GRM7: variants seen among roughly 807,000 people sequenced by gnomAD.
GRM7 encodes glutamate metabotropic receptor 7, also known as metabotropic glutamate receptor 7.
In GRM7, 35 loss-of-function variants were observed where a neutral mutation model predicts 84.5. That is an observed-to-expected ratio of 0.41 (90% CI 0.32 to 0.55). The LOEUF (loss-of-function observed/expected upper bound fraction) is 0.55, where lower values mean the gene tolerates loss of function less well. Among genes scored for constraint, GRM7 ranks in the 20% least tolerant of loss-of-function variants. The pLI is 0.19. For synonymous variants in GRM7, 487 were observed against 455.1 expected (o/e 1.07, Z -0.89); for missense variants, 1,003 against 1,194.6 (o/e 0.84, Z 2.36).
intron 7 of GRM7, among the ~76,000 whole-genome samples, chr3:7,522,550 A>C (rs1700636233): frequency 6.6e-6 from 1 of 152,200 alleles, no homozygotes; most frequent in South Asian, 2.1e-4. Flanking sequence ...ACATCCACAC[A>C]TATACTTGGC....
chr3:6,883,339 T>A (rs1337321260), intron 1 of GRM7, among the ~76,000 whole-genome samples: 1 of 152,144 alleles, frequency 6.6e-6, no homozygotes, highest in Non-Finnish European at 1.5e-5. Context: ...AATTATAATC[T>A]CATGTTTATA....
intron 7 of GRM7, among the ~76,000 whole-genome samples, chr3:7,476,801 C>G (rs1360535995): frequency 6.6e-6 from 1 of 152,098 alleles, no homozygotes; most frequent in Non-Finnish European, 1.5e-5. Context: ...TCTCAAAGAC[C>G]TCTCTGACTG....
At chr3:7,114,161 C>G (rs1387437586) in intron 1 of GRM7, among the ~76,000 whole-genome samples, 1 of 152,088 alleles carries the variant, frequency 6.6e-6, no homozygotes, top group Non-Finnish European at 1.5e-5. Context: ...AGTTCAATGA[C>G]TTTTATAATC....
rs140674409 is a variant in GRM7, at chr3:6,931,628, G to A, written c.519+69721G>A. ...CTCTACCTTATTTACTCTAAGAAAC[G>A]ACACCAGTTTGTTGTATGTTGTAGC... On this transcript the variant is annotated intron_variant, in intron 1 of 9. Transcript: ENST00000357716. Among the ~76,000 whole-genome samples the A allele has an allele frequency of 2.8e-4, 42 of 152,246 alleles. No individual in the cohort carries two copies. The East Asian group carries it at 3.7e-3, about 13-fold the overall frequency.
At chr3:7,621,103 T>C (rs900890745) in intron 8 of GRM7, among the ~76,000 whole-genome samples, 2 of 152,128 alleles carry the variant, frequency 1.3e-5, no homozygotes, top group African/African-American at 4.8e-5. Context: ...TAGACTGTAA[T>C]GTCTCCCTGA....
At chr3:6,949,998 C>T (rs1234812024) in intron 1 of GRM7, among the ~76,000 whole-genome samples, 1 of 152,088 alleles carries the variant, frequency 6.6e-6, no homozygotes, top group Non-Finnish European at 1.5e-5. Context: ...GCCGTTGGTT[C>T]GAACTTCCTT....
chr3:6,894,136 T>TG (rs1696079806), intron 1 of GRM7: 1 of 152,176 alleles, frequency 6.6e-6, no homozygotes, highest in African/African-American at 2.4e-5. Flanking sequence ...CTCTTAGGTT[T>TG]GGGGAAATTT....
intron 2 of GRM7, among the ~76,000 whole-genome samples, chr3:7,289,827 G>A (rs1490564291): frequency 6.9e-6 from 1 of 145,438 alleles, no homozygotes; most frequent in African/African-American, 2.5e-5. Context: ...ATGGACACAG[G>A]AAGGGGAACA....
At chr3:7,007,326 G>A (rs1695215715) in intron 1 of GRM7, among the ~76,000 whole-genome samples, 3 of 152,176 alleles carry the variant, frequency 2.0e-5, no homozygotes, top group Non-Finnish European at 4.4e-5. Context: ...TTCTATAAAA[G>A]AGTGGAAGCA....
intron 1 of GRM7, among the ~76,000 whole-genome samples, chr3:7,063,685 A>G (rs1017580619): frequency 2.6e-5 from 4 of 151,746 alleles, no homozygotes; most frequent in South Asian, 2.1e-4. Context: ...CTGGAAAAAG[A>G]AACTAATTGG....
intron 8 of GRM7, among the ~76,000 whole-genome samples, chr3:7,594,226 C>T (rs534737108): frequency 1.3e-5 from 2 of 152,198 alleles, no homozygotes; most frequent in African/African-American, 4.8e-5. Flanking sequence ...TAAAAAAATC[C>T]CTCATTGATT....
chr3:7,510,698 C>T (rs1439484827), intron 7 of GRM7, among the ~76,000 whole-genome samples: 1 of 152,204 alleles, frequency 6.6e-6, no homozygotes, highest in East Asian at 1.9e-4. Flanking sequence ...TATCATTGTG[C>T]AGCCCACATG....
intron 7 of GRM7, among the ~76,000 whole-genome samples, chr3:7,575,338 C>A (rs1531939): frequency 6.6e-6 from 1 of 152,040 alleles, no homozygotes; most frequent in Admixed American, 6.5e-5. Context: ...TTTTCTTAAT[C>A]TTTCTGCACC....
chr3:7,700,187 A>C (rs1020775426), intron 9 of GRM7, among the ~76,000 whole-genome samples: 6 of 152,150 alleles, frequency 3.9e-5, no homozygotes, highest in African/African-American at 1.4e-4. Context: ...GCTTTCAACA[A>C]GGGCACATCC....
At chr3:7,057,287 G>GATAT (rs1697261421) in intron 1 of GRM7, among the ~76,000 whole-genome samples, 2 of 151,936 alleles carry the variant, frequency 1.3e-5, no homozygotes, top group Admixed American at 6.6e-5. Context: ...TATTACCTCT[G>GATAT]ATATCTGTTT....
intron 2 of GRM7, among the ~76,000 whole-genome samples, chr3:7,298,210 T>G (rs751478215): frequency 4.6e-5 from 7 of 152,150 alleles, no homozygotes; most frequent in Middle Eastern, 3.2e-3. Context: ...CCACTGGAAT[T>G]GATCTTTAAA....
intron 7 of GRM7, among the ~76,000 whole-genome samples, chr3:7,563,596 G>T (rs535630629): frequency 1.3e-5 from 2 of 152,078 alleles, no homozygotes; most frequent in Non-Finnish European, 2.9e-5. Flanking sequence ...AATGACAGCC[G>T]AAAGGTTAAG....
intron 9 of GRM7, among the ~76,000 whole-genome samples, chr3:7,738,461 T>A (rs1332562999): frequency 6.6e-6 from 1 of 152,118 alleles, no homozygotes; most frequent in African/African-American, 2.4e-5. Flanking sequence ...TATTTTTATA[T>A]CCAATTTTTT....
At chr3:7,318,459 CA>C (rs758137438) in intron 4 of GRM7, among the ~76,000 whole-genome samples, 3 of 151,970 alleles carry the variant, frequency 2.0e-5, no homozygotes, top group Non-Finnish European at 4.4e-5. Flanking sequence ...CTATTAAATA[CA>C]GGGCTTAATA....
Sources: allele counts gnomAD v4.1 joint callset (sites outside exome capture counted in the v4.1 genomes callset), GRCh38; gene constraint gnomAD v4.1.1; transcripts MANE v1.5; gene names NCBI Gene and HGNC (gene_info 2026-07-23, HGNC 2026-07-21).